CPLX1: variants seen among roughly 807,000 people sequenced by gnomAD.
The protein encoded by CPLX1 is complexin-1.
Under a neutral mutation model 15.6 loss-of-function variants are expected in CPLX1, and 6 were observed. The observed-to-expected ratio is 0.39, with a 90% CI of 0.21 to 0.76. The LOEUF is 0.76. CPLX1 is among the 30% of genes least tolerant of loss of function. The pLI, the probability that CPLX1 is intolerant of heterozygous loss-of-function variation, is 0.43. For missense variants in CPLX1, 242 were observed against 188.6 expected (o/e 1.28, Z -1.66); for synonymous variants, 91 against 75.2 (o/e 1.21, Z -1.08).
chr4:811,328 T>G (rs933446581), intron 2 of CPLX1, among the ~76,000 whole-genome samples: 1 of 152,078 alleles, frequency 6.6e-6, no homozygotes, highest in African/African-American at 2.4e-5. Flanking sequence ...TTATTTTTCA[T>G]AGAGATGGGA....
At chr4:794,805 G>A (rs989404097) in intron 2 of CPLX1, among the ~76,000 whole-genome samples, 10 of 152,338 alleles carry the variant, frequency 6.6e-5, no homozygotes, top group Non-Finnish European at 1.3e-4. Context: ...GCAGGGGTGG[G>A]GAGCTGCAGG....
intron 2 of CPLX1, among the ~76,000 whole-genome samples, chr4:809,715 G>A (rs1272696257): frequency 2.0e-5 from 3 of 152,226 alleles, no homozygotes; most frequent in Non-Finnish European, 4.4e-5. Flanking sequence ...CAAGACAGTG[G>A]ACACGTCCAG....
chr4:822,286 TGTC>T, intron 2 of CPLX1, among the ~76,000 whole-genome samples: 1 of 61,170 alleles, frequency 1.6e-5, no homozygotes, highest in Non-Finnish European at 3.5e-5. Context: ...CCTCTTCCTT[TGTC>T]TGTCTGTCTC....
intron 2 of CPLX1, among the ~76,000 whole-genome samples, chr4:823,784 A>G (rs1198418938): frequency 2.0e-5 from 3 of 152,248 alleles, no homozygotes; most frequent in Non-Finnish European, 4.4e-5. Context: ...GTCTCTGGCC[A>G]CAATGACAGC....
intron 2 of CPLX1, among the ~76,000 whole-genome samples, chr4:807,047 C>T (rs1746567028): frequency 6.6e-6 from 1 of 152,134 alleles, no homozygotes; most frequent in African/African-American, 2.4e-5. Flanking sequence ...CAGCATTATT[C>T]ACAATAGCAA....
At position 795,810 on chromosome 4, in the gene CPLX1, G is replaced by GT. The variant is rs1272686624; in HGVS notation, c.32-3203_32-3202insA. The stretch of plus-strand genomic sequence containing the variant: ...CAAACCGGGTGGAGAGGGGGTGGGG[G>GT]GGGGGTGCAGATCGCGGCGCCTCCC... On this transcript the variant is annotated intron_variant, in intron 2 of 3. Transcript: ENST00000304062. Among the ~76,000 whole-genome samples, 9 of 151,964 alleles carry GT rather than the reference G, an allele frequency of 5.9e-5. No homozygotes were observed. In the South Asian group the frequency reaches 1.7e-3, roughly 28 times the overall value.
At chr4:810,693 T>C (rs1018144907) in intron 2 of CPLX1, among the ~76,000 whole-genome samples, 1 of 151,998 alleles carries the variant, frequency 6.6e-6, no homozygotes, top group African/African-American at 2.4e-5. Flanking sequence ...TTTTCTTTTT[T>C]CTTTTTCTTT....
At chr4:787,726 A>T in intron 3 of CPLX1, 1 of 984,310 alleles carries the variant, frequency 1.0e-6, no homozygotes, top group African/African-American at 1.7e-5. Context: ...AGTTTTTGTC[A>T]GGCCCCGGGG....
chr4:786,726 G>C, intron 3 of CPLX1, 28 bp from the exon 4 acceptor site: 1 of 1,557,282 alleles, frequency 6.4e-7, no homozygotes, highest in Non-Finnish European at 8.7e-7. Flanking sequence ...GTCAGGGCGG[G>C]GGTCCCGGCG....
intron 2 of CPLX1, chr4:804,709 T>C: frequency 1.0e-6 from 1 of 982,564 alleles, no homozygotes; most frequent in Non-Finnish European, 1.2e-6. Context: ...GCAGAATTGA[T>C]GTCAGAGGAG....
intron 2 of CPLX1, among the ~76,000 whole-genome samples, chr4:810,271 G>C (rs562157556): frequency 1.3e-5 from 2 of 151,626 alleles, no homozygotes; most frequent in South Asian, 4.2e-4. Flanking sequence ...GGATGGTCTC[G>C]ATCTCCTGAC....
At chr4:819,856 C>T (rs1478069610) in intron 2 of CPLX1, among the ~76,000 whole-genome samples, 2 of 152,210 alleles carry the variant, frequency 1.3e-5, no homozygotes, top group Non-Finnish European at 2.9e-5. Context: ...CAGCAGCAGC[C>T]ACTTTGAGAT....
chr4:787,859 C>T (rs1470983080), intron 3 of CPLX1: 7 of 985,284 alleles, frequency 7.1e-6, no homozygotes. Flanking sequence ...CTCCTGCTGC[C>T]CAGGAAGGTG....
intron 2 of CPLX1, among the ~76,000 whole-genome samples, chr4:812,042 A>C (rs1378913838): frequency 6.6e-6 from 1 of 151,764 alleles, no homozygotes; most frequent in Non-Finnish European, 1.5e-5. Context: ...TTTTTTCCCT[A>C]TCTTTTCACT....
At chr4:797,917 G>A (rs1430628131) in intron 2 of CPLX1, among the ~76,000 whole-genome samples, 2 of 151,854 alleles carry the variant, frequency 1.3e-5, no homozygotes, top group African/African-American at 4.8e-5. Context: ...GCAACAGAGC[G>A]AGACTCCGTC....
In CPLX1 at chr4:788,203, G is replaced by A. The variant is rs1390529859; in HGVS notation, c.208-1505C>T. On this transcript the variant is annotated intron_variant, in intron 3 of 3. Coordinates refer to ENST00000304062, the MANE Select transcript of CPLX1 (RefSeq NM_006651.4). Reference sequence around the variant, plus strand: ...AGAAGCAGTTGGTTCTGCTCCTGGTGCTGGGCACCCCCTGGATCTCCAAGG... The same window carrying A: ...AGAAGCAGTTGGTTCTGCTCCTGGTACTGGGCACCCCCTGGATCTCCAAGG... 5.1e-6 allele frequency: 5 copies of A among 985,338 alleles called. No individual in the cohort carries two copies. The East Asian group carries it at 5.7e-4, about 112-fold the overall frequency. The allele number at this position is 985,338 out of a possible 1,614,324, so 61.0% of individuals were successfully genotyped here.
At chr4:802,588 C>G (rs1176426384) in intron 2 of CPLX1, among the ~76,000 whole-genome samples, 7 of 152,068 alleles carry the variant, frequency 4.6e-5, no homozygotes, top group Non-Finnish European at 1.0e-4. Context: ...TATGGAAGCC[C>G]AAATATTAGA....
chr4:799,344 C>G (rs989611725), intron 2 of CPLX1, among the ~76,000 whole-genome samples: 12 of 152,242 alleles, frequency 7.9e-5, no homozygotes, highest in Non-Finnish European at 1.5e-4. Context: ...CCGATGGAGT[C>G]TCCTCAAGAG....
intron 2 of CPLX1, among the ~76,000 whole-genome samples, chr4:821,291 G>C (rs781158812): frequency 1.3e-5 from 2 of 152,126 alleles, no homozygotes; most frequent in Non-Finnish European, 2.9e-5. Flanking sequence ...GCATGGGTGA[G>C]TCCTGCCTTG....
Sources: gnomAD v4.1 joint callset for allele counts (sites outside exome capture counted in the v4.1 genomes callset) on GRCh38, gnomAD v4.1.1 for gene constraint, MANE v1.5 for transcripts, NCBI Gene and HGNC (gene_info 2026-07-23, HGNC 2026-07-21) for gene names.